The following ARFGEF3 variants were observed in gnomAD, a reference collection of about 807,000 sequenced individuals.
ARFGEF3 encodes ARFGEF family member 3.
ARFGEF3 carries 96 observed loss-of-function variants against 221.7 expected under a neutral mutation model. That is an observed-to-expected ratio of 0.43 (90% CI 0.37 to 0.51). ARFGEF3 has a LOEUF of 0.51. Ranked by LOEUF, ARFGEF3 falls within the 20% of genes least tolerant of loss-of-function variation. The pLI is 0.00. For synonymous variants in ARFGEF3, 1,145 were observed against 1,126.8 expected, an observed-to-expected ratio of 1.02 and a Z score of -0.32; for missense variants, 2,410 against 2,789.9, an observed-to-expected ratio of 0.86 and a Z score of 3.07.
At chr6:138,164,906 C>T (rs1470330951) in intron 1 of ARFGEF3, among the ~76,000 whole-genome samples, 5 of 152,314 alleles carry the variant, frequency 3.3e-5, no homozygotes, top group South Asian at 2.1e-4. Context: ...GGAGGTCAAC[C>T]GCTACTTAGG....
intron 5 of ARFGEF3, among the ~76,000 whole-genome samples, chr6:138,234,383 CA>C (rs1314576299): frequency 6.6e-6 from 1 of 152,076 alleles, no homozygotes; most frequent in East Asian, 1.9e-4. Context: ...AGTTGACATC[CA>C]AAAGGAAAAC....
At chr6:138,222,004 A>G (rs1777991231) in intron 4 of ARFGEF3, among the ~76,000 whole-genome samples, 1 of 152,218 alleles carries the variant, frequency 6.6e-6, no homozygotes, top group South Asian at 2.1e-4. Context: ...AGGGTCAAAA[A>G]TAAAGATTGA....
At chr6:138,266,260 AGAAAG>A (rs1778890014) in intron 12 of ARFGEF3, among the ~76,000 whole-genome samples, 1 of 151,924 alleles carries the variant, frequency 6.6e-6, no homozygotes, top group Non-Finnish European at 1.5e-5. Flanking sequence ...GAGAAAGAGA[AGAAAG>A]GAAAGGAAGG....
At position 138,261,736 on chromosome 6, in the gene ARFGEF3, T is replaced by G. The variant is rs553909350; in HGVS notation, c.1217+97T>G. Reference sequence around the variant, plus strand: ...CCTGAAATTTTAAAAAATTCTACATTATATGAAATGTGTCTATTTAATAAT... The same window carrying G: ...CCTGAAATTTTAAAAAATTCTACATGATATGAAATGTGTCTATTTAATAAT... On this transcript the variant is annotated intron_variant, in intron 11 of 33. Coordinates refer to ENST00000251691, the MANE Select transcript of ARFGEF3 (RefSeq NM_020340.5). 3.3e-5 allele frequency: 18 copies of G among 537,536 alleles called. No individual in the cohort carries two copies. In the South Asian group the frequency reaches 8.5e-4, roughly 25 times the overall value. The allele number at this position is 537,536 out of a possible 1,614,324, so 33.3% of individuals were successfully genotyped here. A position where few individuals can be genotyped will look rare whatever the true frequency, so the allele number is the denominator to read the frequency against.
intron 5 of ARFGEF3, among the ~76,000 whole-genome samples, chr6:138,236,669 G>A (rs922720092): frequency 3.3e-5 from 5 of 152,030 alleles, no homozygotes; most frequent in South Asian, 2.1e-4. Flanking sequence ...GTTTTGCCCC[G>A]TTGCGCCCAG....
At chr6:138,256,360 C>T (rs1490892534) in intron 10 of ARFGEF3, among the ~76,000 whole-genome samples, 1 of 152,164 alleles carries the variant, frequency 6.6e-6, no homozygotes, top group Admixed American at 6.5e-5. Flanking sequence ...GATTCCTCTG[C>T]CTTCTCTCAA....
chr6:138,327,107 G>C (rs138217127), intron 31 of ARFGEF3, among the ~76,000 whole-genome samples: 1 of 152,156 alleles, frequency 6.6e-6, no homozygotes, highest in Non-Finnish European at 1.5e-5. Context: ...TGTGGGGAAC[G>C]GGGGAGGGAG....
At chr6:138,177,008 G>A (rs2114441363) in intron 2 of ARFGEF3, among the ~76,000 whole-genome samples, 1 of 151,310 alleles carries the variant, frequency 6.6e-6, no homozygotes, top group South Asian at 2.1e-4. Context: ...TTTCTTTATA[G>A]GTGACTAGAT....
chr6:138,328,373 AAC>A (rs1780163540), intron 32 of ARFGEF3, among the ~76,000 whole-genome samples: 1 of 152,146 alleles, frequency 6.6e-6, no homozygotes, highest in African/African-American at 2.4e-5. Context: ...GGGTGACTCA[AAC>A]AGCAGAACCA....
At chr6:138,282,649 G>A (rs1282363018) in intron 14 of ARFGEF3, among the ~76,000 whole-genome samples, 4 of 152,176 alleles carry the variant, frequency 2.6e-5, no homozygotes, top group Admixed American at 6.5e-5. Context: ...AACTAGGATG[G>A]AACTGGGGAA....
chr6:138,286,124 T>C, intron 15 of ARFGEF3, 71 bp downstream of exon 15: 4 of 952,468 alleles, frequency 4.2e-6, no homozygotes, highest in Admixed American at 3.8e-5. Flanking sequence ...CATTGTTATG[T>C]GGTGACTTGA....
At chr6:138,333,801 C>T (rs922860183) in intron 32 of ARFGEF3, among the ~76,000 whole-genome samples, 169 bp from the exon 33 acceptor site, 1 of 151,828 alleles carries the variant, frequency 6.6e-6, no homozygotes, top group Non-Finnish European at 1.5e-5. Flanking sequence ...AAATGGTTAT[C>T]ACACAGTGCC....
chr6:138,308,641 G>T, intron 23 of ARFGEF3, 98 bp from the exon 24 acceptor site: 1 of 1,324,536 alleles, frequency 7.5e-7, no homozygotes, highest in Non-Finnish European at 1.1e-6. Context: ...TCTTTCTCAA[G>T]ATCTGTCTCA....
chr6:138,329,400 C>T (rs969702270), intron 32 of ARFGEF3, among the ~76,000 whole-genome samples: 3 of 152,166 alleles, frequency 2.0e-5, no homozygotes, highest in African/African-American at 7.2e-5. Context: ...CGCAATGGCT[C>T]ATACCTATAA....
At chr6:138,290,755 G>A (rs1779388621) in intron 18 of ARFGEF3, among the ~76,000 whole-genome samples, 1 of 152,176 alleles carries the variant, frequency 6.6e-6, no homozygotes, top group Non-Finnish European at 1.5e-5. Context: ...CCAGGTCTAG[G>A]CAGAGCAGGC....
chr6:138,220,179 C>A (rs567111173), intron 4 of ARFGEF3, among the ~76,000 whole-genome samples: 2 of 152,136 alleles, frequency 1.3e-5, no homozygotes, highest in South Asian at 2.1e-4. Flanking sequence ...TTTTGTATTT[C>A]TTTTGTAGAG....
chr6:138,197,663 T>C (rs768364066), intron 2 of ARFGEF3, among the ~76,000 whole-genome samples: 43 of 152,186 alleles, frequency 2.8e-4, no homozygotes, highest in Non-Finnish European at 4.7e-4. Flanking sequence ...TGGTCCGTCA[T>C]TGACGGAAAC....
intron 12 of ARFGEF3, 35 bp downstream of exon 12, chr6:138,263,646 G>C (rs770268104): frequency 6.5e-7 from 1 of 1,540,500 alleles, no homozygotes; most frequent in African/African-American, 1.4e-5. Flanking sequence ...TAGTCAACAA[G>C]ATTATTCAGA....
At chr6:138,226,658 C>T (rs909249424) in intron 4 of ARFGEF3, among the ~76,000 whole-genome samples, 1 of 152,198 alleles carries the variant, frequency 6.6e-6, no homozygotes, top group African/African-American at 2.4e-5. Context: ...TTAGCTGCTT[C>T]TGTTTTCCAT....
Sources: gnomAD v4.1 joint callset for allele counts (sites outside exome capture counted in the v4.1 genomes callset) on GRCh38, gnomAD v4.1.1 for gene constraint, MANE v1.5 for transcripts, NCBI Gene and HGNC (gene_info 2026-07-23, HGNC 2026-07-21) for gene names.